DIAPH3: variants seen among roughly 807,000 people sequenced by gnomAD.
The protein encoded by DIAPH3 is protein diaphanous homolog 3.
A neutral mutation model predicts 144.3 loss-of-function variants in DIAPH3; 117 were observed. That is an observed-to-expected ratio of 0.81 (90% CI 0.70 to 0.95). The LOEUF is 0.95. Among genes scored for constraint, DIAPH3 ranks in the 40% least tolerant of loss-of-function variants. The probability of loss-of-function intolerance (pLI) is 0.00; values close to 1 mark genes in which losing one functional copy is unlikely to be tolerated. For synonymous variants in DIAPH3, 519 were observed against 488.9 expected (o/e 1.06, Z -0.81); for missense variants, 1,421 against 1,412.7 (o/e 1.01, Z -0.09).
At chr13:59,918,223 AAGAGAG>A (rs112988613) in intron 18 of DIAPH3, among the ~76,000 whole-genome samples, 1 of 150,612 alleles carries the variant, frequency 6.6e-6, no homozygotes, top group Non-Finnish European at 1.5e-5. Context: ...AAAAAAAAAA[AAGAGAG>A]AGAGAGAGAG....
At position 59,840,817 on chromosome 13, in the gene DIAPH3, G is replaced by GTT. The variant is rs35513878; in HGVS notation, c.2738-1371_2738-1370dup. On this transcript the variant is annotated intron_variant, in intron 22 of 27. Transcript: ENST00000400324. The stretch of plus-strand genomic sequence containing the variant: ...ACACTCATGCATATTTTCTCAGTAG[G>GTT]TTTTTTTTTTCCTTCTCACGTATTC... 1.2e-3 allele frequency among the ~76,000 whole-genome samples: 173 copies of GTT among 149,052 alleles called. 6 individuals are homozygous for GTT. The highest frequency in any genetic ancestry group is 4.0e-4 in the East Asian group (2 of 5,058).
intron 27 of DIAPH3, among the ~76,000 whole-genome samples, chr13:59,741,795 G>C (rs1205010090): frequency 3.0e-5 from 2 of 66,250 alleles, no homozygotes; most frequent in Non-Finnish European, 6.2e-5. Context: ...CTAAACAACT[G>C]TATCATCTTA....
rs1443127853 is a variant in DIAPH3 at position 59,970,068 on chromosome 13, G to A, written c.1960-10C>T. ...TTTCATGAGGTCTGATCTACAATCA[G>A]AGAGAAGACTGATTCATCAATAGGT... On this transcript the variant is annotated splice_polypyrimidine_tract_variant and intron_variant, in intron 16 of 27. Transcript: ENST00000400324. The A allele has an allele frequency of 2.6e-6, 4 of 1,511,520 alleles. No individual in the cohort carries two copies. The Admixed American group carries it at 7.0e-5, about 26-fold the overall frequency. 93.6% of individuals were successfully genotyped at this position (1,511,520 alleles called of 1,614,324 possible). A position where few individuals can be genotyped will look rare whatever the true frequency, so the allele number is the denominator to read the frequency against.
At chr13:60,109,753 C>CT (rs945557333) in intron 3 of DIAPH3, among the ~76,000 whole-genome samples, 2 of 152,168 alleles carry the variant, frequency 1.3e-5, no homozygotes, top group Admixed American at 6.5e-5. Flanking sequence ...CAACTTACAC[C>CT]TATCATGTTC....
chr13:60,052,296 G>C (rs1251157905), intron 4 of DIAPH3, among the ~76,000 whole-genome samples: 7 of 152,128 alleles, frequency 4.6e-5, no homozygotes, highest in African/African-American at 1.7e-4. Flanking sequence ...AAGATAGACA[G>C]TGCACAGGAA....
intron 27 of DIAPH3, among the ~76,000 whole-genome samples, chr13:59,692,416 C>T (rs1402973831): frequency 1.7e-4 from 25 of 150,186 alleles, no homozygotes; most frequent in African/African-American, 4.7e-4. Context: ...CCAACCCCCC[C>T]ATCCCCCGAC....
At chr13:60,085,187 T>C (rs1288687130) in intron 4 of DIAPH3, among the ~76,000 whole-genome samples, 1 of 152,144 alleles carries the variant, frequency 6.6e-6, no homozygotes, top group Non-Finnish European at 1.5e-5. Flanking sequence ...ATAGTTAACC[T>C]TCTCCTTTGA....
intron 25 of DIAPH3, among the ~76,000 whole-genome samples, chr13:59,782,121 T>C (rs1406918286): frequency 6.6e-6 from 1 of 151,876 alleles, no homozygotes. Flanking sequence ...CAAGGAATAC[T>C]GAAATTTGGG....
chr13:59,699,399 G>A (rs1252697538), intron 27 of DIAPH3, among the ~76,000 whole-genome samples: 2 of 152,192 alleles, frequency 1.3e-5, no homozygotes, highest in Admixed American at 6.5e-5. Context: ...AGCCAGGGCT[G>A]GAGTAGCAGA....
intron 24 of DIAPH3, among the ~76,000 whole-genome samples, chr13:59,811,983 C>A (rs2040501438): frequency 1.3e-5 from 2 of 151,804 alleles, no homozygotes; most frequent in South Asian, 4.1e-4. Context: ...TATTAAACAC[C>A]AATGAAACCA....
intron 4 of DIAPH3, among the ~76,000 whole-genome samples, chr13:60,088,416 T>G (rs1297179630): frequency 6.6e-6 from 1 of 152,128 alleles, no homozygotes; most frequent in African/African-American, 2.4e-5. Context: ...CCTCTATCCT[T>G]ACTCCCTCTC....
At chr13:59,800,745 G>A (rs1314982570) in intron 25 of DIAPH3, among the ~76,000 whole-genome samples, 1 of 152,110 alleles carries the variant, frequency 6.6e-6, no homozygotes, top group Non-Finnish European at 1.5e-5. Context: ...TGGGTAGTGG[G>A]AGCAGAACTA....
chr13:59,778,579 C>T (rs1052891301), intron 25 of DIAPH3, among the ~76,000 whole-genome samples: 3 of 152,222 alleles, frequency 2.0e-5, no homozygotes, highest in Admixed American at 1.3e-4. Context: ...AATACATTCC[C>T]GCCACCATTC....
intron 19 of DIAPH3, among the ~76,000 whole-genome samples, chr13:59,913,685 A>G (rs570868937): frequency 8.9e-4 from 136 of 152,316 alleles, no homozygotes; most frequent in African/African-American, 3.1e-3. Flanking sequence ...ACAGCCGGGC[A>G]TGGTGGCTCA....
intron 25 of DIAPH3, among the ~76,000 whole-genome samples, chr13:59,778,995 A>G (rs1383835321): frequency 6.6e-6 from 1 of 152,166 alleles, no homozygotes; most frequent in Admixed American, 6.5e-5. Flanking sequence ...TCCTACCCCA[A>G]CAATGATTTC....
intron 17 of DIAPH3, among the ~76,000 whole-genome samples, chr13:59,956,936 C>T (rs539363074): frequency 6.6e-6 from 1 of 152,132 alleles, no homozygotes; most frequent in African/African-American, 2.4e-5. Flanking sequence ...CAGATTTGCA[C>T]GGGGCCTGTA....
chr13:60,041,867 G>C (rs1431945301), intron 5 of DIAPH3, among the ~76,000 whole-genome samples: 2 of 151,822 alleles, frequency 1.3e-5, no homozygotes, highest in African/African-American at 4.8e-5. Flanking sequence ...CTCTTGTTTA[G>C]CCACCTACCT....
intron 18 of DIAPH3, among the ~76,000 whole-genome samples, chr13:59,921,331 TAATC>T (rs2047509235): frequency 7.1e-6 from 1 of 140,384 alleles, no homozygotes; most frequent in South Asian, 2.3e-4. Flanking sequence ...AAAAATAAAA[TAATC>T]AAATGTTTAT....
chr13:59,923,666 T>C (rs1186818222), intron 18 of DIAPH3, among the ~76,000 whole-genome samples: 2 of 152,148 alleles, frequency 1.3e-5, no homozygotes, highest in East Asian at 3.9e-4. Flanking sequence ...TCTTCACTGG[T>C]CCAAGCATGT....
Sources: allele counts gnomAD v4.1 joint callset (sites outside exome capture counted in the v4.1 genomes callset), GRCh38; gene constraint gnomAD v4.1.1; transcripts MANE v1.5; gene names NCBI Gene and HGNC (gene_info 2026-07-23, HGNC 2026-07-21).